Variants in CCDC102B observed in about 807,000 individuals in gnomAD.
CCDC102B encodes coiled-coil domain-containing protein 102B.
Under a neutral mutation model 57.4 loss-of-function variants are expected in CCDC102B, and 75 were observed. That is an observed-to-expected ratio of 1.31 (90% CI 1.08 to 1.58). CCDC102B has a LOEUF of 1.58. Ranked by LOEUF, CCDC102B falls within the 40% of genes most tolerant of loss-of-function variation. CCDC102B has a pLI of 0.00. For synonymous variants in CCDC102B, 206 were observed against 201.9 expected (o/e 1.02, Z -0.17); for missense variants, 636 against 582.6 (o/e 1.09, Z -0.94).
intron 7 of CCDC102B, among the ~76,000 whole-genome samples, chr18:69,049,295 G>T (rs1468722701): frequency 2.6e-5 from 4 of 151,884 alleles, no homozygotes; most frequent in Admixed American, 2.6e-4. Context: ...GTGGTATTTG[G>T]TTTTCTGTTC....
chr18:69,027,128 C>T (rs1351782364), intron 7 of CCDC102B, among the ~76,000 whole-genome samples: 5 of 152,172 alleles, frequency 3.3e-5, no homozygotes, highest in Admixed American at 6.5e-5. Context: ...TAAAAATGGT[C>T]GTTTTCCACA....
At chr18:69,027,765 A>G (rs910850805) in intron 7 of CCDC102B, among the ~76,000 whole-genome samples, 5 of 152,110 alleles carry the variant, frequency 3.3e-5, no homozygotes, top group Admixed American at 3.3e-4. Flanking sequence ...GTGCATACGT[A>G]TGATATAGCT....
intron 1 of CCDC102B, among the ~76,000 whole-genome samples, chr18:68,835,387 CATAA>C (rs1161495492): frequency 5.5e-5 from 1 of 18,342 alleles, no homozygotes; most frequent in African/African-American, 5.8e-5. Context: ...ACACATATTA[CATAA>C]TAAATAAAGT....
intron 2 of CCDC102B, among the ~76,000 whole-genome samples, chr18:68,724,658 A>C (rs1024271814): frequency 6.6e-6 from 1 of 152,190 alleles, no homozygotes; most frequent in Admixed American, 6.5e-5. Flanking sequence ...CCGTATCACT[A>C]TCAGCATTTT....
intron 2 of CCDC102B, among the ~76,000 whole-genome samples, chr18:68,752,662 A>T (rs528684185): frequency 2.0e-5 from 3 of 152,180 alleles, no homozygotes; most frequent in Admixed American, 2.0e-4. Context: ...ACTTAATGTT[A>T]TGATTATAAG....
upstream of CCDC102B, among the ~76,000 whole-genome samples, chr18:68,795,019 C>T (rs559011599): frequency 1.0e-3 from 77 of 73,742 alleles, no homozygotes; most frequent in Middle Eastern, 5.7e-3. Context: ...TTTGTAAACT[C>T]GCCAGTAAAA....
intron 1 of CCDC102B, among the ~76,000 whole-genome samples, chr18:68,810,094 T>A (rs1275209380): frequency 6.6e-6 from 1 of 152,230 alleles, no homozygotes; most frequent in Non-Finnish European, 1.5e-5. Flanking sequence ...TTTAGTCAAA[T>A]TAATATTTAG....
At chr18:68,733,444 G>A (rs1325431454) in intron 2 of CCDC102B, among the ~76,000 whole-genome samples, 1 of 140,662 alleles carries the variant, frequency 7.1e-6, no homozygotes, top group African/African-American at 2.6e-5. Context: ...CAACGGAGAG[G>A]AAAGGTAACC....
chr18:68,724,172 A>T (rs556421641), intron 2 of CCDC102B, among the ~76,000 whole-genome samples: 1 of 152,268 alleles, frequency 6.6e-6, no homozygotes, highest in East Asian at 1.9e-4. Context: ...TGAAACAGGC[A>T]CCAGGTCCTG....
chr18:68,969,040 A>G (rs552852304), intron 6 of CCDC102B, among the ~76,000 whole-genome samples: 4 of 152,296 alleles, frequency 2.6e-5, no homozygotes, highest in Admixed American at 2.0e-4. Flanking sequence ...GCATATTTGA[A>G]GAGCTCAGAT....
intron 7 of CCDC102B, among the ~76,000 whole-genome samples, chr18:69,035,843 A>G (rs1219798520): frequency 6.6e-6 from 1 of 152,104 alleles, no homozygotes; most frequent in Admixed American, 6.6e-5. Flanking sequence ...GCATTGCATG[A>G]GGTGCATTTG....
At chr18:68,990,218 C>T (rs548120488) in intron 6 of CCDC102B, among the ~76,000 whole-genome samples, 7 of 152,190 alleles carry the variant, frequency 4.6e-5, no homozygotes, top group African/African-American at 1.7e-4. Context: ...TCTCTGCAGC[C>T]CGTTAGATTT....
At chr18:68,973,904 T>C (rs1469152056) in intron 6 of CCDC102B, among the ~76,000 whole-genome samples, 3 of 152,126 alleles carry the variant, frequency 2.0e-5, no homozygotes, top group African/African-American at 7.2e-5. Context: ...TGCTATTCAC[T>C]GTTCTGCAAA....
chr18:68,870,525 C>A (rs1403624501), intron 4 of CCDC102B, among the ~76,000 whole-genome samples: 1 of 152,050 alleles, frequency 6.6e-6, no homozygotes, highest in Non-Finnish European at 1.5e-5. Context: ...TTGCCAAATA[C>A]CCTAAAGGTA....
At chr18:68,739,545 A>T in intron 2 of CCDC102B, among the ~76,000 whole-genome samples, 1 of 152,152 alleles carries the variant, frequency 6.6e-6, no homozygotes, top group East Asian at 1.9e-4. Context: ...ACTGGATGTG[A>T]TTAGTCCATT....
intron 1 of CCDC102B, among the ~76,000 whole-genome samples, chr18:68,802,865 A>C (rs1400352282): frequency 1.3e-5 from 2 of 152,184 alleles, no homozygotes; most frequent in Non-Finnish European, 2.9e-5. Context: ...TGGTCCTCTT[A>C]TCTCTGAAAG....
At chr18:69,031,023 C>T (rs1157761037) in intron 7 of CCDC102B, among the ~76,000 whole-genome samples, 1 of 152,124 alleles carries the variant, frequency 6.6e-6, no homozygotes, top group Non-Finnish European at 1.5e-5. Context: ...GTTTCTTTTA[C>T]TTTCTGTCCA....
At chr18:68,872,932 G>C (rs1206315296) in intron 4 of CCDC102B, among the ~76,000 whole-genome samples, 1 of 152,138 alleles carries the variant, frequency 6.6e-6, no homozygotes, top group Non-Finnish European at 1.5e-5. Context: ...TCTCTCTTTT[G>C]AGTGGTACAG....
At chr18:68,822,653 A>G (rs1450011450) in intron 1 of CCDC102B, among the ~76,000 whole-genome samples, 1 of 152,072 alleles carries the variant, frequency 6.6e-6, no homozygotes, top group Non-Finnish European at 1.5e-5. Flanking sequence ...GTATTCCACA[A>G]TGTCTATTGT....
Sources: gnomAD v4.1 joint callset for allele counts (sites outside exome capture counted in the v4.1 genomes callset) on GRCh38, gnomAD v4.1.1 for gene constraint, MANE v1.5 for transcripts, NCBI Gene and HGNC (gene_info 2026-07-23, HGNC 2026-07-21) for gene names.